The following TMEM132D variants were observed in gnomAD, a reference collection of about 807,000 sequenced individuals.
TMEM132D encodes the protein mature OL transmembrane protein.
Under a neutral mutation model 62.3 loss-of-function variants are expected in TMEM132D, and 21 were observed. The ratio of observed to expected loss-of-function variants is 0.34; its 90% CI spans 0.24 to 0.49. The LOEUF (loss-of-function observed/expected upper bound fraction) is 0.49. Ranked by LOEUF, TMEM132D falls within the 20% of genes least tolerant of loss-of-function variation. The probability of loss-of-function intolerance (pLI) is 0.99; values close to 1 mark genes in which losing one functional copy is unlikely to be tolerated. For missense variants in TMEM132D, 1,346 were observed against 1,402.8 expected, an observed-to-expected ratio of 0.96 and a Z score of 0.65; for synonymous variants, 621 against 575.6, an observed-to-expected ratio of 1.08 and a Z score of -1.13.
At chr12:129,463,788 T>TA (rs1331548141) in intron 3 of TMEM132D, among the ~76,000 whole-genome samples, 2 of 152,174 alleles carry the variant, frequency 1.3e-5, no homozygotes, top group Non-Finnish European at 2.9e-5. Context: ...TCCATGTCCC[T>TA]ACAAAGGACA....
At chr12:129,860,566 T>C (rs954806129) in intron 1 of TMEM132D, among the ~76,000 whole-genome samples, 1 of 152,254 alleles carries the variant, frequency 6.6e-6, no homozygotes, top group Non-Finnish European at 1.5e-5. Flanking sequence ...TAAATATATA[T>C]ACATATGTGC....
At chr12:129,599,137 G>A (rs1878423085) in intron 2 of TMEM132D, among the ~76,000 whole-genome samples, 1 of 152,134 alleles carries the variant, frequency 6.6e-6, no homozygotes, top group South Asian at 2.1e-4. Flanking sequence ...CTGAGAAGTA[G>A]AAAATAATTT....
At chr12:129,583,401 T>C (rs544890690) in intron 2 of TMEM132D, among the ~76,000 whole-genome samples, 2 of 152,308 alleles carry the variant, frequency 1.3e-5, no homozygotes, top group East Asian at 1.9e-4. Flanking sequence ...ATAAAATGTT[T>C]CGTGTATTGA....
chr12:129,149,916 T>G (rs1463478374), intron 5 of TMEM132D, among the ~76,000 whole-genome samples: 1 of 152,250 alleles, frequency 6.6e-6, no homozygotes, highest in Non-Finnish European at 1.5e-5. Flanking sequence ...TGTGTAAGAC[T>G]TTCATGCTTA....
chr12:129,447,837 T>G lies in TMEM132D; in HGVS notation c.1115+83222A>C, dbSNP rs77361305. On this transcript the variant is annotated intron_variant, in intron 3 of 8. Transcript: ENST00000422113. ...TTTGGTTCCTTGTCAACTCCACCACTAAGGAGCTGAGTGATGCCGGCTTAA... is the reference window on the plus strand; with the variant it reads ...TTTGGTTCCTTGTCAACTCCACCACGAAGGAGCTGAGTGATGCCGGCTTAA... 5.7e-3 allele frequency among the ~76,000 whole-genome samples: 862 copies of G among 152,270 alleles called. 7 individuals are homozygous for G. The highest frequency in any genetic ancestry group is 0.02 in the African/African-American group (822 of 41,552).
chr12:129,769,473 C>T (rs1446202457), intron 1 of TMEM132D, among the ~76,000 whole-genome samples: 8 of 152,110 alleles, frequency 5.3e-5, no homozygotes, highest in East Asian at 3.9e-4. Context: ...TCTCATGACA[C>T]GGAGGAATTA....
chr12:129,454,623 C>T (rs539229368), intron 3 of TMEM132D, among the ~76,000 whole-genome samples: 1 of 152,342 alleles, frequency 6.6e-6, no homozygotes, highest in East Asian at 1.9e-4. Context: ...GTAAGTCAAG[C>T]TTAAGAAGCC....
intron 2 of TMEM132D, among the ~76,000 whole-genome samples, chr12:129,635,237 G>A (rs1879446303): frequency 6.6e-6 from 1 of 152,206 alleles, no homozygotes; most frequent in South Asian, 2.1e-4. Flanking sequence ...TAGTAGTCAT[G>A]GAAACAGCAA....
At chr12:129,672,457 G>A (rs1022235787) in intron 2 of TMEM132D, among the ~76,000 whole-genome samples, 2 of 152,158 alleles carry the variant, frequency 1.3e-5, no homozygotes. Context: ...TTAAGCATCT[G>A]AGATTTCCGG....
At chr12:129,306,498 C>A (rs1395450934) in intron 4 of TMEM132D, among the ~76,000 whole-genome samples, 1 of 152,174 alleles carries the variant, frequency 6.6e-6, no homozygotes, top group Non-Finnish European at 1.5e-5. Flanking sequence ...CAAATATGTT[C>A]TCCCAGAATG....
At chr12:129,241,605 T>C (rs972780502) in intron 4 of TMEM132D, among the ~76,000 whole-genome samples, 1 of 152,144 alleles carries the variant, frequency 6.6e-6, no homozygotes, top group Non-Finnish European at 1.5e-5. Flanking sequence ...CTTGGAGAAG[T>C]CTCCTCTGAC....
chr12:129,620,760 G>T (rs910433202), intron 2 of TMEM132D, among the ~76,000 whole-genome samples: 4 of 152,146 alleles, frequency 2.6e-5, no homozygotes, highest in African/African-American at 9.7e-5. Flanking sequence ...TTAAAAGTGG[G>T]AGCTGAACGA....
intron 2 of TMEM132D, among the ~76,000 whole-genome samples, chr12:129,580,436 T>C (rs1228213101): frequency 6.6e-6 from 1 of 152,232 alleles, no homozygotes; most frequent in East Asian, 1.9e-4. Flanking sequence ...CATAAAATGT[T>C]GGAGGAAGGT....
chr12:129,460,687 C>T (rs1873636365), intron 3 of TMEM132D, among the ~76,000 whole-genome samples: 1 of 152,174 alleles, frequency 6.6e-6, no homozygotes, highest in Non-Finnish European at 1.5e-5. Flanking sequence ...GAGCCAAATA[C>T]CACATGACGA....
intron 3 of TMEM132D, among the ~76,000 whole-genome samples, chr12:129,513,320 T>C (rs745751276): frequency 4.6e-5 from 7 of 152,030 alleles, no homozygotes; most frequent in Non-Finnish European, 1.0e-4. Context: ...GAGAGCTTAC[T>C]ACCATGAGCA....
At chr12:129,118,292 G>A (rs1465086836) in intron 5 of TMEM132D, among the ~76,000 whole-genome samples, 1 of 152,218 alleles carries the variant, frequency 6.6e-6, no homozygotes, top group East Asian at 1.9e-4. Flanking sequence ...GATGGAGATG[G>A]AAAAGGTGGT....
At chr12:129,514,728 A>G (rs112480884) in intron 3 of TMEM132D, among the ~76,000 whole-genome samples, 1 of 152,224 alleles carries the variant, frequency 6.6e-6, no homozygotes, top group Non-Finnish European at 1.5e-5. Flanking sequence ...ACTGTGTGAA[A>G]TGATCATTGA....
chr12:129,073,083 A>C lies in TMEM132D; in HGVS notation c.*792T>G, dbSNP rs1874124639. 1 of 152,232 alleles carries C rather than the reference A, an allele frequency of 6.6e-6. No individual in the cohort carries two copies. The highest frequency in any genetic ancestry group is 1.5e-5 in the Non-Finnish European group (1 of 68,052). The allele number at this position is 152,232 out of a possible 1,614,324, so 9.4% of individuals were successfully genotyped here. A position where few individuals can be genotyped will look rare whatever the true frequency, so the allele number is the denominator to read the frequency against. ...CAATGCAGTGGAGGAATAGAAATGG[A>C]TACATTGTGAACTTGATATGAATCA... On this transcript the variant is annotated 3_prime_UTR_variant, in exon 9 of 9. Coordinates refer to ENST00000422113, the MANE Select transcript of TMEM132D (RefSeq NM_133448.3).
intron 5 of TMEM132D, among the ~76,000 whole-genome samples, chr12:129,150,055 G>A (rs534123399): frequency 6.6e-6 from 1 of 152,380 alleles, no homozygotes; most frequent in South Asian, 2.1e-4. Flanking sequence ...ATGGCAGCAG[G>A]CAGAAGCTGC....
Sources: gnomAD v4.1 joint callset for allele counts (sites outside exome capture counted in the v4.1 genomes callset) on GRCh38, gnomAD v4.1.1 for gene constraint, MANE v1.5 for transcripts, NCBI Gene and HGNC (gene_info 2026-07-23, HGNC 2026-07-21) for gene names.